KLK2: variants seen among roughly 807,000 people sequenced by gnomAD.
KLK2 encodes kallikrein related peptidase 2.
KLK2 carries 17 observed loss-of-function variants against 23.0 expected under a neutral mutation model. That is an observed-to-expected ratio of 0.74 (90% CI 0.51 to 1.11). The LOEUF is 1.11. Ranked by LOEUF, KLK2 falls within the 50% of genes least tolerant of loss-of-function variation. The probability of loss-of-function intolerance (pLI) is 0.00; values close to 1 mark genes in which losing one functional copy is unlikely to be tolerated. For synonymous variants in KLK2, 140 were observed against 124.7 expected (o/e 1.12, Z -0.82); for missense variants, 330 against 325.9 (o/e 1.01, Z -0.10).
intron 2 of KLK2, 153 bp downstream of exon 2, chr19:50,875,033 G>T: frequency 3.6e-6 from 5 of 1,380,034 alleles, no homozygotes; most frequent in Non-Finnish European, 4.7e-6. Context: ...GCAGAGCTGG[G>T]GCTGGACCAC....
In KLK2 at chr19:50,874,761, G is replaced by C. The variant is rs1194024216; in HGVS notation, c.87G>C (p.Trp29Cys). 3.7e-6 allele frequency: 6 copies of C among 1,613,116 alleles called. No individual in the cohort carries two copies. The highest frequency in any genetic ancestry group is 2.2e-5 in the East Asian group (1 of 44,858). The change falls in exon 2 of 5, where the codon TGG (tryptophan) becomes TGC (cysteine). Residue 29 changes from tryptophan (W) to cysteine (C), a missense_variant. Coordinates refer to ENST00000325321, the MANE Select transcript of KLK2 (RefSeq NM_005551.5). The stretch of plus-strand genomic sequence containing the variant: ...TCCAGTCTCGGATTGTGGGAGGCTG[G>C]GAGTGTGAGAAGCATTCCCAACCCT... The part of the protein sequence containing the change: ...PLIQSRIVGG[W>C]ECEKHSQPWQ...
chr19:50,879,795 C>G lies in KLK2; in HGVS notation c.*1236C>G, dbSNP rs1367776952. 1 of 229,958 alleles carries G rather than the reference C, an allele frequency of 4.3e-6. No homozygotes were observed. Among genetic ancestry groups the G allele is most frequent in the Admixed American group, 5.7e-5 (1 of 17,670 alleles). The allele number at this position is 229,958 out of a possible 1,614,324, so 14.2% of individuals were successfully genotyped here. On this transcript the variant is annotated 3_prime_UTR_variant, in exon 5 of 5. Coordinates refer to ENST00000325321, the MANE Select transcript of KLK2 (RefSeq NM_005551.5). ...GCATGGCCCAAGGCCCCAAGTATAT[C>G]AAGGCACTTGGGCAGAACATGCCAA...
chr19:50,875,197 T>C, intron 2 of KLK2: 1 of 244,012 alleles, frequency 4.1e-6, no homozygotes, highest in Non-Finnish European at 7.9e-6. Context: ...TCTCTGTCTC[T>C]GGGTCTCTCT....
intron 2 of KLK2, 194 bp downstream of exon 2, chr19:50,875,074 T>A (rs2090269382): frequency 9.0e-7 from 1 of 1,108,634 alleles, no homozygotes; most frequent in Admixed American, 3.4e-5. Context: ...TTTCTCTCTG[T>A]GTCTGATCTC....
At chr19:50,873,716 C>G in intron 1 of KLK2, 197 bp downstream of exon 1, 1 of 544,748 alleles carries the variant, frequency 1.8e-6, no homozygotes, top group Admixed American at 3.4e-5. Context: ...TCAGACCTTT[C>G]TCTCCATTGC....
At chr19:50,873,867 C>G (rs2090255618) in intron 1 of KLK2, 1 of 306,000 alleles carries the variant, frequency 3.3e-6, no homozygotes, top group Non-Finnish European at 6.1e-6. Flanking sequence ...TGGGCTGCCT[C>G]CTGAGCCCCT....
At chr19:50,876,044 T>G (rs2090283837) in intron 2 of KLK2, 1 of 217,720 alleles carries the variant, frequency 4.6e-6, no homozygotes, top group Admixed American at 5.3e-5. Context: ...CACCCCTGGC[T>G]TCCTCTCTGC....
intron 2 of KLK2, 66 bp downstream of exon 2, chr19:50,874,946 T>TC: frequency 6.5e-7 from 1 of 1,540,072 alleles, no homozygotes; most frequent in Non-Finnish European, 8.7e-7. Flanking sequence ...GCGGGATGCT[T>TC]CCCCCAGGGT....
At chr19:50,876,208 C>G in intron 2 of KLK2, 1 of 535,656 alleles carries the variant, frequency 1.9e-6, no homozygotes, top group South Asian at 2.4e-5. Flanking sequence ...TCACTGTTCT[C>G]CCTTCTGTTT....
chr19:50,876,263 T>C, intron 2 of KLK2: 1 of 589,656 alleles, frequency 1.7e-6, no homozygotes, highest in Non-Finnish European at 3.0e-6. Flanking sequence ...TCCACTTCGT[T>C]TCTTTCAGTT....
chr19:50,874,712 C>A lies in KLK2; in HGVS notation c.47-9C>A, dbSNP rs1568502245. ...GTCTGATCCCCCTGACCCAGCACCC[C>A]CTCCGCAGGTGCCGTGCCCCTCATC... On this transcript the variant is annotated splice_polypyrimidine_tract_variant and intron_variant, in intron 1 of 4. Transcript: ENST00000325321. The A allele has an allele frequency of 6.2e-7, 1 of 1,605,514 alleles. No individual in the cohort carries two copies. The highest frequency in any genetic ancestry group is 8.5e-7 in the Non-Finnish European group (1 of 1,176,134).
In KLK2 at chr19:50,879,925, A is replaced by G; in HGVS notation, c.*1366A>G. 4.4e-6 allele frequency: 1 copy of G among 229,606 alleles called. No individual in the cohort carries two copies. The highest frequency in any genetic ancestry group is 8.6e-6 in the Non-Finnish European group (1 of 115,752). 14.2% of individuals were successfully genotyped at this position (229,606 alleles called of 1,614,324 possible). On this transcript the variant is annotated 3_prime_UTR_variant, in exon 5 of 5. Coordinates refer to ENST00000325321, the MANE Select transcript of KLK2 (RefSeq NM_005551.5). Reference sequence around the variant, plus strand: ...CTGCTGAGTCAACCTTTTATTGTACAGGGGATGAGGGAAAGGGAGAGGATG... The same window carrying G: ...CTGCTGAGTCAACCTTTTATTGTACGGGGGATGAGGGAAAGGGAGAGGATG...
In KLK2 at chr19:50,878,905, G is replaced by A; in HGVS notation, c.*346G>A. 7.1e-6 allele frequency: 2 copies of A among 283,478 alleles called. No individual in the cohort carries two copies. The highest frequency in any genetic ancestry group is 1.3e-5 in the Non-Finnish European group (2 of 148,664). 17.6% of individuals were successfully genotyped at this position (283,478 alleles called of 1,614,324 possible). ...TGGGGTGCAGAGATGGGAGGGGTGGGGCCCACCCTGGAAGAGTGGACAGTG... is the reference window on the plus strand; with the variant it reads ...TGGGGTGCAGAGATGGGAGGGGTGGAGCCCACCCTGGAAGAGTGGACAGTG... On this transcript the variant is annotated 3_prime_UTR_variant, in exon 5 of 5. Transcript: ENST00000325321.
In KLK2 at chr19:50,878,535, G is replaced by A; in HGVS notation, c.762G>A (p.Lys254=). Reference sequence around the variant, plus strand: ...TGGTGCATTACCGGAAGTGGATCAAGGACACCATCGCAGCCAACCCCTGAG... The same window carrying A: ...TGGTGCATTACCGGAAGTGGATCAAAGACACCATCGCAGCCAACCCCTGAG... ...TKVVHYRKWI[K]DTIAANP is the part of the protein sequence containing the mutation. Residue 254 remains lysine (K), a synonymous_variant, in exon 5 of 5, where the codon AAG becomes AAA. Transcript: ENST00000325321. 1.2e-6 allele frequency: 2 copies of A among 1,613,834 alleles called. No individual in the cohort carries two copies. The highest frequency in any genetic ancestry group is 1.3e-5 in the African/African-American group (1 of 75,008).
intron 4 of KLK2, 86 bp downstream of exon 4, chr19:50,877,094 A>C: frequency 6.4e-7 from 1 of 1,572,676 alleles, no homozygotes; most frequent in Non-Finnish European, 8.7e-7. Flanking sequence ...CTAACCAGAC[A>C]TCTGCCTCCC....
rs2090311909 is a variant in KLK2, at chr19:50,878,473, T to C, written c.700T>C (p.Cys234Arg). The C allele has an allele frequency of 6.2e-7, 1 of 1,614,132 alleles. No individual in the cohort carries two copies. ...TATCACATCATGGGGCCCTGAGCCA[T>C]GTGCCCTGCCTGAAAAGCCTGCTGT... is the stretch of plus-strand genomic sequence containing the variant. Reference protein sequence around the residue: ...QGITSWGPEPCALPEKPAVYT... With the variant: ...QGITSWGPEPRALPEKPAVYT... The change falls in exon 5 of 5, where the codon TGT (cysteine) becomes CGT (arginine). Residue 234 changes from cysteine (C) to arginine (R), a missense_variant. By Grantham distance (180) the Cys-to-Arg change is radical. Coordinates refer to ENST00000325321, the MANE Select transcript of KLK2 (RefSeq NM_005551.5).
intron 2 of KLK2, 113 bp downstream of exon 2, chr19:50,874,993 G>A: frequency 1.4e-6 from 2 of 1,436,496 alleles, no homozygotes; most frequent in Non-Finnish European, 1.8e-6. Flanking sequence ...AAGGAGAGAG[G>A]GAAGGTCCTG....
In KLK2 at chr19:50,879,820, A is replaced by G. The variant is rs2090324939; in HGVS notation, c.*1261A>G. 8.7e-6 allele frequency: 2 copies of G among 229,610 alleles called. No individual in the cohort carries two copies. The highest frequency in any genetic ancestry group is 2.2e-5 in the African/African-American group (1 of 45,134). 14.2% of individuals were successfully genotyped at this position (229,610 alleles called of 1,614,324 possible). The stretch of plus-strand genomic sequence containing the variant: ...CAAGGCACTTGGGCAGAACATGCCA[A>G]GGAATCAAATGTCATCTCCCAGGAG... On this transcript the variant is annotated 3_prime_UTR_variant, in exon 5 of 5. Coordinates refer to ENST00000325321, the MANE Select transcript of KLK2 (RefSeq NM_005551.5).
chr19:50,878,024 C>T (rs556571514), intron 4 of KLK2, among the ~76,000 whole-genome samples: 1 of 152,290 alleles, frequency 6.6e-6, no homozygotes, highest in South Asian at 2.1e-4. Context: ...TCCCCAATGC[C>T]CTGGAGAGGG....
Sources: allele counts gnomAD v4.1 joint callset (sites outside exome capture counted in the v4.1 genomes callset), GRCh38; gene constraint gnomAD v4.1.1; transcripts MANE v1.5; gene names NCBI Gene and HGNC (gene_info 2026-07-23, HGNC 2026-07-21).